The following FBXW8 variants were observed in gnomAD, a reference collection of about 807,000 sequenced individuals.
The protein encoded by FBXW8 is F-box and WD repeat domain containing 8.
Under a neutral mutation model 65.3 loss-of-function variants are expected in FBXW8, and 57 were observed. That is an observed-to-expected ratio of 0.87 (90% confidence interval 0.71 to 1.09). The LOEUF (loss-of-function observed/expected upper bound fraction) is 1.09, where lower values mean the gene tolerates loss of function less well. FBXW8 is among the 50% of genes least tolerant of loss of function. The pLI, the probability that FBXW8 is intolerant of heterozygous loss-of-function variation, is 0.00. For synonymous variants in FBXW8, 308 were observed against 330.2 expected (o/e 0.93, Z 0.73); for missense variants, 777 against 814.8 (o/e 0.95, Z 0.57).
intron 1 of FBXW8, among the ~76,000 whole-genome samples, chr12:116,919,733 G>A (rs934036355): frequency 3.3e-5 from 5 of 152,258 alleles, no homozygotes; most frequent in Middle Eastern, 6.8e-3. Context: ...TTCTGACTGC[G>A]ACTTTATAAA....
intron 4 of FBXW8, among the ~76,000 whole-genome samples, chr12:116,957,720 T>G (rs1457655283): frequency 1.3e-5 from 2 of 152,244 alleles, no homozygotes; most frequent in Non-Finnish European, 2.9e-5. Flanking sequence ...GTATAGATTT[T>G]CTGCTGCTAG....
At chr12:116,985,182 C>A (rs1885580142) in intron 5 of FBXW8, 24 bp from the exon 6 acceptor site, 1 of 1,545,850 alleles carries the variant, frequency 6.5e-7, no homozygotes, top group Non-Finnish European at 8.7e-7. Flanking sequence ...AAAATTGTTA[C>A]CTGCATTGTT....
intron 4 of FBXW8, among the ~76,000 whole-genome samples, chr12:116,952,269 G>A (rs929151677): frequency 1.3e-5 from 2 of 152,180 alleles, no homozygotes; most frequent in Admixed American, 6.5e-5. Context: ...AACACTCTGT[G>A]ATGTTTGCAC....
chr12:117,027,930 T>G, intron 10 of FBXW8, 98 bp from the exon 11 acceptor site: 1 of 1,513,722 alleles, frequency 6.6e-7, no homozygotes, highest in Non-Finnish European at 9.0e-7. Context: ...TGAACCTCTA[T>G]CTGGTCTCAG....
intron 7 of FBXW8, among the ~76,000 whole-genome samples, chr12:116,992,886 T>C (rs563486782): frequency 2.6e-4 from 40 of 151,996 alleles, no homozygotes; most frequent in Non-Finnish European, 5.3e-4. Flanking sequence ...AATAAACATA[T>C]GTGTACAGGT....
At chr12:116,949,797 C>T in intron 4 of FBXW8, 91 bp downstream of exon 4, 1 of 1,161,034 alleles carries the variant, frequency 8.6e-7, no homozygotes, top group South Asian at 1.2e-5. Flanking sequence ...CCTTAGCTTC[C>T]TTTGAGAGCA....
At chr12:117,000,910 T>C (rs1953503115) in intron 7 of FBXW8, among the ~76,000 whole-genome samples, 3 of 152,256 alleles carry the variant, frequency 2.0e-5, no homozygotes, top group Admixed American at 6.5e-5. Flanking sequence ...GGCGCAGGAA[T>C]GACACGAGCT....
At chr12:116,962,094 T>C (rs1295078574) in intron 4 of FBXW8, among the ~76,000 whole-genome samples, 2 of 152,070 alleles carry the variant, frequency 1.3e-5, no homozygotes, top group African/African-American at 4.8e-5. Context: ...GATGATCCCA[T>C]TGATAAAAAT....
chr12:116,997,211 T>C (rs4767490), intron 7 of FBXW8, among the ~76,000 whole-genome samples: 126,243 of 152,106 alleles, frequency 0.83, 52,777 homozygotes, highest in East Asian at 0.96. Flanking sequence ...GCTTAGATGC[T>C]TTTGAGGACT....
chr12:117,024,226 A>T lies in FBXW8; in HGVS notation c.1447A>T (p.Met483Leu), dbSNP rs1440478310. 7 of 1,614,066 alleles carry T rather than the reference A, an allele frequency of 4.3e-6. No homozygotes were observed. The highest frequency in any genetic ancestry group is 5.9e-6 in the Non-Finnish European group (7 of 1,180,046). Residue 483 changes from methionine to leucine, a missense_variant, in exon 9 of 11, where the codon ATG becomes TTG. By Grantham distance (15) the Met-to-Leu change is conservative (BLOSUM62 2). Coordinates refer to ENST00000652555, the MANE Select transcript of FBXW8 (RefSeq NM_153348.3). ...TCAGCTCAGGGTCTCTGCTGTGCAG[A>T]TGGATGACTGGAAGATCGTCAGTGG... ...AHQLRVSAVQ[M>L]DDWKIVSGGE... is the part of the protein sequence containing the mutation.
intron 1 of FBXW8, among the ~76,000 whole-genome samples, chr12:116,926,458 C>T (rs757681466): frequency 1.1e-4 from 16 of 152,164 alleles, no homozygotes; most frequent in Non-Finnish European, 2.2e-4. Flanking sequence ...AGCAGTGACT[C>T]CCTCCAGTGT....
chr12:116,991,935 A>G (rs576105636), intron 7 of FBXW8, among the ~76,000 whole-genome samples: 46 of 152,180 alleles, frequency 3.0e-4, no homozygotes, highest in Admixed American at 9.8e-4. Context: ...CCTCAGCTGC[A>G]TGAGCATGGA....
chr12:116,975,424 CAG>C (rs1169647589), intron 5 of FBXW8, among the ~76,000 whole-genome samples: 1 of 152,210 alleles, frequency 6.6e-6, no homozygotes, highest in Non-Finnish European at 1.5e-5. Context: ...AAGGAGCTCT[CAG>C]GCACTGTCGT....
chr12:116,933,759 G>C (rs1353518665), intron 2 of FBXW8, among the ~76,000 whole-genome samples: 1 of 152,198 alleles, frequency 6.6e-6, no homozygotes, highest in Non-Finnish European at 1.5e-5. Context: ...GTAGTTTGTA[G>C]AATTGGCTTT....
At chr12:117,010,198 T>C (rs2135709102) in intron 7 of FBXW8, 125 bp from the exon 8 acceptor site, 1 of 1,410,148 alleles carries the variant, frequency 7.1e-7, no homozygotes, top group Non-Finnish European at 9.7e-7. Context: ...GGAAATTAAG[T>C]GGCAGAACAT....
At chr12:116,932,271 T>A (rs1881828948) in intron 2 of FBXW8, among the ~76,000 whole-genome samples, 1 of 152,176 alleles carries the variant, frequency 6.6e-6, no homozygotes, top group Non-Finnish European at 1.5e-5. Context: ...AAAATTAGTT[T>A]GTTTAATGGT....
At chr12:116,935,145 A>C (rs775431511) in intron 2 of FBXW8, among the ~76,000 whole-genome samples, 1 of 152,262 alleles carries the variant, frequency 6.6e-6, no homozygotes, top group Non-Finnish European at 1.5e-5. Flanking sequence ...GTGCATAAAC[A>C]AAGTAATAAA....
chr12:116,976,792 C>T (rs1308090922), intron 5 of FBXW8, among the ~76,000 whole-genome samples: 1 of 151,984 alleles, frequency 6.6e-6, no homozygotes, highest in African/African-American at 2.4e-5. Context: ...ACAAACATGC[C>T]AGATGTTACG....
intron 5 of FBXW8, among the ~76,000 whole-genome samples, chr12:116,983,973 C>G (rs1422776216): frequency 2.6e-5 from 4 of 152,160 alleles, no homozygotes; most frequent in African/African-American, 9.7e-5. Flanking sequence ...AGTGCTGGAG[C>G]TGGATTTGAA....
Sources: allele counts gnomAD v4.1 joint callset (sites outside exome capture counted in the v4.1 genomes callset), GRCh38; gene constraint gnomAD v4.1.1; transcripts MANE v1.5; gene names NCBI Gene and HGNC (gene_info 2026-07-23, HGNC 2026-07-21).